The following MARK1 variants were observed in gnomAD, a reference collection of about 807,000 sequenced individuals.
The protein encoded by MARK1 is serine/threonine-protein kinase MARK1.
MARK1 carries 40 observed loss-of-function variants against 96.3 expected under a neutral mutation model. The ratio of observed to expected loss-of-function variants is 0.42; its 90% confidence interval spans 0.32 to 0.54. MARK1 has a LOEUF of 0.54. Ranked by LOEUF, MARK1 falls within the 20% of genes least tolerant of loss-of-function variation. The pLI is 0.16. For missense variants in MARK1, 719 were observed against 984.6 expected, an observed-to-expected ratio of 0.73 and a Z score of 3.61; for synonymous variants, 317 against 341.2, an observed-to-expected ratio of 0.93 and a Z score of 0.78.
intron 1 of MARK1, among the ~76,000 whole-genome samples, chr1:220,548,033 T>C (rs1297098024): frequency 6.6e-6 from 1 of 152,260 alleles, no homozygotes; most frequent in Non-Finnish European, 1.5e-5. Flanking sequence ...ACAAAATACA[T>C]TCCTCTTCCT....
At chr1:220,545,439 G>GTTTTTTTTTTTTTTTTTT (rs35422682) in intron 1 of MARK1, among the ~76,000 whole-genome samples, 1 of 87,260 alleles carries the variant, frequency 1.1e-5, no homozygotes, top group Non-Finnish European at 2.1e-5. Flanking sequence ...CTTTCTCATG[G>GTTTTTTTTTTTTTTTTTT]TTTTTTTTTT....
intron 1 of MARK1, among the ~76,000 whole-genome samples, chr1:220,538,480 G>T (rs2102703746): frequency 6.6e-6 from 1 of 152,224 alleles, no homozygotes; most frequent in Non-Finnish European, 1.5e-5. Flanking sequence ...GGTTACTGTA[G>T]CCTTGTAGTA....
At chr1:220,657,951 T>G in intron 17 of MARK1, 117 bp downstream of exon 17, 1 of 657,396 alleles carries the variant, frequency 1.5e-6, no homozygotes, top group East Asian at 3.4e-5. Context: ...AGCATGCGTA[T>G]TTTAGATTTT....
In MARK1 at chr1:220,530,562, G is replaced by T. The variant is rs116286229; in HGVS notation, c.51+1689G>T. Reference sequence around the variant, plus strand: ...TTTATTTTCTTTTAGATTTTGAATAGTATAGCTTTTCTCATACTTGTATGA... The same window carrying T: ...TTTATTTTCTTTTAGATTTTGAATATTATAGCTTTTCTCATACTTGTATGA... On this transcript the variant is annotated intron_variant, in intron 1 of 17. Coordinates refer to ENST00000366917, the MANE Select transcript of MARK1 (RefSeq NM_018650.5). Among the ~76,000 whole-genome samples, 1,152 of 152,252 alleles carry T rather than the reference G, an allele frequency of 7.6e-3. 14 individuals are homozygous for T. The highest frequency in any genetic ancestry group is 0.025 in the African/African-American group (1,041 of 41,550).
intron 17 of MARK1, among the ~76,000 whole-genome samples, chr1:220,661,059 G>A (rs746125739): frequency 5.3e-5 from 8 of 152,206 alleles, no homozygotes; most frequent in Non-Finnish European, 1.2e-4. Context: ...CAGCCATCTG[G>A]GGAGAAGCAT....
intron 9 of MARK1, among the ~76,000 whole-genome samples, chr1:220,629,352 CTTTTT>C (rs77070158): frequency 7.4e-6 from 1 of 134,462 alleles, no homozygotes. Flanking sequence ...ACAAGATTGC[CTTTTT>C]TTTTTTTTTT....
intron 13 of MARK1, among the ~76,000 whole-genome samples, chr1:220,640,590 G>A (rs1483089206): frequency 6.6e-6 from 1 of 152,148 alleles, no homozygotes; most frequent in Admixed American, 6.6e-5. Context: ...TTCATTTTGT[G>A]TTGCTATAAC....
intron 13 of MARK1, among the ~76,000 whole-genome samples, chr1:220,648,203 C>G (rs749764154): frequency 3.1e-4 from 47 of 151,846 alleles, no homozygotes; most frequent in Non-Finnish European, 5.3e-4. Flanking sequence ...TAAAATATCA[C>G]TTTACTGTGA....
At chr1:220,535,541 G>C (rs1333161732) in intron 1 of MARK1, among the ~76,000 whole-genome samples, 2 of 151,908 alleles carry the variant, frequency 1.3e-5, no homozygotes, top group Non-Finnish European at 2.9e-5. Context: ...GTCTATTTTT[G>C]CTTTTGTTGG....
At chr1:220,651,448 T>C (rs536887030) in intron 14 of MARK1, among the ~76,000 whole-genome samples, 8 of 152,298 alleles carry the variant, frequency 5.3e-5, no homozygotes, top group African/African-American at 1.9e-4. Context: ...AATTGGAAAT[T>C]GATTTCAGAC....
rs1443471650 is a variant in MARK1 at position 220,544,549 on chromosome 1, GC to G, written c.51+15678del. On this transcript the variant is annotated intron_variant, in intron 1 of 17. Transcript: ENST00000366917. ...CAGCCCCTTGATATTGGACTTCCCA[GC>G]CTACAGAATCATGAGCTAAATAAAT... Among the ~76,000 whole-genome samples the G allele has an allele frequency of 4.5e-4, 68 of 152,286 alleles. 1 individual carries two copies. The highest frequency in any genetic ancestry group is 1.4e-3 in the African/African-American group (60 of 41,556).
At chr1:220,606,963 C>T (rs527295495) in intron 6 of MARK1, among the ~76,000 whole-genome samples, 1 of 152,236 alleles carries the variant, frequency 6.6e-6, no homozygotes, top group Admixed American at 6.5e-5. Flanking sequence ...CATGATGCCT[C>T]CAGGTTTGTT....
intron 3 of MARK1, among the ~76,000 whole-genome samples, chr1:220,597,139 C>T (rs1004955585): frequency 2.0e-4 from 31 of 152,010 alleles, no homozygotes; most frequent in African/African-American, 6.5e-4. Flanking sequence ...ACTCTGGTTG[C>T]GGGGCTATTG....
chr1:220,627,179 G>C (rs1176937025), intron 9 of MARK1: 2 of 481,256 alleles, frequency 4.2e-6, no homozygotes, highest in Non-Finnish European at 8.4e-6. Context: ...CCTGAGGAGA[G>C]TGGCGATGAG....
chr1:220,612,011 G>A (rs543452253), intron 6 of MARK1, among the ~76,000 whole-genome samples: 5 of 152,284 alleles, frequency 3.3e-5, no homozygotes, highest in African/African-American at 1.2e-4. Context: ...GGGATTATAG[G>A]CGTGAGCCAC....
chr1:220,529,695 A>G (rs1660178019), intron 1 of MARK1, among the ~76,000 whole-genome samples: 1 of 152,246 alleles, frequency 6.6e-6, no homozygotes, highest in Non-Finnish European at 1.5e-5. Context: ...GCTGTTATCA[A>G]GATGCAGATG....
chr1:220,531,497 TCATC>T (rs1660312349), intron 1 of MARK1, among the ~76,000 whole-genome samples: 1 of 152,298 alleles, frequency 6.6e-6, no homozygotes, highest in East Asian at 1.9e-4. Context: ...ATTTCTTTGG[TCATC>T]CATATAACGT....
chr1:220,651,959 G>C, intron 14 of MARK1, 27 bp from the exon 15 acceptor site: 1 of 1,464,372 alleles, frequency 6.8e-7, no homozygotes, highest in Non-Finnish European at 9.1e-7. Flanking sequence ...TTTTTCCATG[G>C]TCTTCTCAAC....
intron 3 of MARK1, among the ~76,000 whole-genome samples, chr1:220,587,044 G>C (rs1361776948): frequency 3.3e-5 from 5 of 151,870 alleles, no homozygotes; most frequent in African/African-American, 1.2e-4. Flanking sequence ...GTCATTTCTT[G>C]GTTCCAGTCT....
Sources: allele counts gnomAD v4.1 joint callset (sites outside exome capture counted in the v4.1 genomes callset), GRCh38; gene constraint gnomAD v4.1.1; transcripts MANE v1.5; gene names NCBI Gene and HGNC (gene_info 2026-07-23, HGNC 2026-07-21).